ALK: variants seen among roughly 807,000 people sequenced by gnomAD.
The protein encoded by ALK is ALK receptor tyrosine kinase.
ALK carries 74 observed loss-of-function variants against 163.1 expected under a neutral mutation model. The observed-to-expected ratio is 0.45, with a 90% CI of 0.38 to 0.55. The LOEUF (loss-of-function observed/expected upper bound fraction) is 0.55, where lower values mean the gene tolerates loss of function less well. ALK is among the 20% of genes least tolerant of loss of function. ALK has a pLI of 0.00. For synonymous variants in ALK, 960 were observed against 843.2 expected (o/e 1.14, Z -2.40); for missense variants, 2,063 against 2,105.3 (o/e 0.98, Z 0.39).
intron 12 of ALK, among the ~76,000 whole-genome samples, chr2:29,247,185 G>A (rs1664701487): frequency 6.6e-6 from 1 of 151,688 alleles, no homozygotes; most frequent in Non-Finnish European, 1.5e-5. Flanking sequence ...GGCCTCCGCG[G>A]CAGCGCCTTG....
chr2:29,353,464 T>A (rs1262942705), intron 5 of ALK, among the ~76,000 whole-genome samples: 1 of 152,210 alleles, frequency 6.6e-6, no homozygotes, highest in East Asian at 1.9e-4. Context: ...ATCTCTGGAA[T>A]TTTCCAACCT....
chr2:29,275,572 T>C, intron 9 of ALK, 76 bp from the exon 10 acceptor site: 2 of 1,440,494 alleles, frequency 1.4e-6, no homozygotes, highest in South Asian at 1.1e-5. Context: ...CCAGCAGGTG[T>C]GTGCTGATCA....
intron 4 of ALK, among the ~76,000 whole-genome samples, chr2:29,482,924 A>G (rs927573619): frequency 6.6e-6 from 1 of 152,158 alleles, no homozygotes; most frequent in Non-Finnish European, 1.5e-5. Context: ...GAGAGTGCCA[A>G]TGGCAGCATG....
At chr2:29,557,432 G>T (rs1673893555) in intron 3 of ALK, among the ~76,000 whole-genome samples, 1 of 152,200 alleles carries the variant, frequency 6.6e-6, no homozygotes, top group South Asian at 2.1e-4. Context: ...TCAGGGCTCA[G>T]AGCTCACTGA....
chr2:29,801,566 A>T (rs1664468876), intron 1 of ALK, among the ~76,000 whole-genome samples: 1 of 152,150 alleles, frequency 6.6e-6, no homozygotes, highest in African/African-American at 2.4e-5. Context: ...ATGCCACACA[A>T]CCACTTTAGT....
intron 1 of ALK, among the ~76,000 whole-genome samples, chr2:29,813,707 C>T (rs1209334771): frequency 6.6e-6 from 1 of 152,214 alleles, no homozygotes; most frequent in South Asian, 2.1e-4. Flanking sequence ...ATGCTGAACT[C>T]TACAGCATCC....
At chr2:29,354,318 A>C (rs972359087) in intron 5 of ALK, among the ~76,000 whole-genome samples, 4 of 152,282 alleles carry the variant, frequency 2.6e-5, no homozygotes, top group African/African-American at 7.2e-5. Flanking sequence ...CGCTTTCACA[A>C]GCTGGCCAAC....
intron 3 of ALK, among the ~76,000 whole-genome samples, chr2:29,593,402 A>G (rs1372177247): frequency 6.6e-6 from 1 of 152,188 alleles, no homozygotes; most frequent in Non-Finnish European, 1.5e-5. Flanking sequence ...TTCCCTGAGA[A>G]TGAGGGAATT....
chr2:29,204,992 C>T (rs1271754478), intron 26 of ALK, among the ~76,000 whole-genome samples: 2 of 152,184 alleles, frequency 1.3e-5, no homozygotes, highest in Non-Finnish European at 2.9e-5. Context: ...TGACCCAGCC[C>T]TGTACTCTTT....
intron 4 of ALK, among the ~76,000 whole-genome samples, chr2:29,518,306 GCAGGCTA>G (rs1287165458): frequency 1.3e-5 from 2 of 152,188 alleles, no homozygotes; most frequent in East Asian, 3.9e-4. Context: ...GGCAAAGCTG[GCAGGCTA>G]CAGGGATGAC....
At chr2:29,794,611 G>C (rs756549923) in intron 1 of ALK, among the ~76,000 whole-genome samples, 2 of 152,084 alleles carry the variant, frequency 1.3e-5, no homozygotes, top group Non-Finnish European at 2.9e-5. Flanking sequence ...GCGACTGTAG[G>C]GTTATTAACT....
At chr2:29,341,350 G>A (rs1667785913) in intron 5 of ALK, among the ~76,000 whole-genome samples, 1 of 152,196 alleles carries the variant, frequency 6.6e-6, no homozygotes, top group South Asian at 2.1e-4. Flanking sequence ...TCATGGACTG[G>A]GAAGCTGATG....
intron 3 of ALK, among the ~76,000 whole-genome samples, chr2:29,655,937 C>A (rs573793801): frequency 1.3e-5 from 2 of 152,266 alleles, no homozygotes; most frequent in South Asian, 4.1e-4. Flanking sequence ...AGAAGAGCTG[C>A]TGTGCTACTA....
intron 4 of ALK, among the ~76,000 whole-genome samples, chr2:29,498,816 C>A (rs1183128327): frequency 6.6e-6 from 1 of 152,168 alleles, no homozygotes; most frequent in South Asian, 2.1e-4. Flanking sequence ...GTCTATTCAT[C>A]GCACTAGTGA....
At chr2:29,729,928 T>C (rs995936154) in intron 1 of ALK, among the ~76,000 whole-genome samples, 2 of 152,226 alleles carry the variant, frequency 1.3e-5, no homozygotes, top group Non-Finnish European at 1.5e-5. Flanking sequence ...TGACTTGGTT[T>C]TCACTCACTT....
At chr2:29,518,400 T>C (rs1049424388) in intron 4 of ALK, among the ~76,000 whole-genome samples, 1 of 152,182 alleles carries the variant, frequency 6.6e-6, no homozygotes, top group African/African-American at 2.4e-5. Context: ...GGAATGTCAA[T>C]AGCAAACAAG....
chr2:29,218,757 C>T (rs1669706563), intron 23 of ALK, among the ~76,000 whole-genome samples: 1 of 152,238 alleles, frequency 6.6e-6, no homozygotes, highest in South Asian at 2.1e-4. Flanking sequence ...AGGGCTGTGC[C>T]TCTTCCCAAA....
chr2:29,830,058 C>T (rs1268699178), intron 1 of ALK, among the ~76,000 whole-genome samples: 8 of 152,178 alleles, frequency 5.3e-5, no homozygotes, highest in African/African-American at 9.7e-5. Context: ...CACTGGCTGC[C>T]GAGAAGTTTA....
intron 12 of ALK, among the ~76,000 whole-genome samples, chr2:29,249,282 C>T (rs751290875): frequency 6.6e-5 from 10 of 152,186 alleles, no homozygotes; most frequent in Non-Finnish European, 1.0e-4. Context: ...GGACAATGGG[C>T]TCCGCTGGGG....
Sources: allele counts gnomAD v4.1 joint callset (sites outside exome capture counted in the v4.1 genomes callset), GRCh38; gene constraint gnomAD v4.1.1; transcripts MANE v1.5; gene names NCBI Gene and HGNC (gene_info 2026-07-23, HGNC 2026-07-21).